CRYBG1: variants seen among roughly 807,000 people sequenced by gnomAD.
CRYBG1 encodes crystallin beta-gamma domain containing 1.
A neutral mutation model predicts 189.2 loss-of-function variants in CRYBG1; 139 were observed. The observed-to-expected ratio is 0.73, with a 90% CI of 0.64 to 0.85. The LOEUF (loss-of-function observed/expected upper bound fraction) is 0.85. Among genes scored for constraint, CRYBG1 ranks in the 40% least tolerant of loss-of-function variants. The probability of loss-of-function intolerance (pLI) is 0.00; values close to 1 mark genes in which losing one functional copy is unlikely to be tolerated. For missense variants in CRYBG1, 2,611 were observed against 2,675.8 expected (o/e 0.98, Z 0.53); for synonymous variants, 1,023 against 1,017.1 (o/e 1.01, Z -0.11).
At chr6:106,376,944 A>G (rs886719115) in intron 1 of CRYBG1, among the ~76,000 whole-genome samples, 7 of 152,194 alleles carry the variant, frequency 4.6e-5, no homozygotes, top group African/African-American at 1.7e-4. Context: ...GCATAGACTA[A>G]ATTAAATGAC....
chr6:106,405,872 G>A (rs1770810329), intron 1 of CRYBG1, among the ~76,000 whole-genome samples: 1 of 152,114 alleles, frequency 6.6e-6, no homozygotes, highest in Non-Finnish European at 1.5e-5. Flanking sequence ...CCATCCAAAG[G>A]TCACCAACAT....
At chr6:106,374,233 C>T (rs1012082649) in intron 1 of CRYBG1, among the ~76,000 whole-genome samples, 2 of 151,936 alleles carry the variant, frequency 1.3e-5, no homozygotes, top group Non-Finnish European at 2.9e-5. Flanking sequence ...CTACACTTAC[C>T]GCTATAATAA....
chr6:106,556,581 T>G (rs1376033389), intron 17 of CRYBG1, among the ~76,000 whole-genome samples: 2 of 152,224 alleles, frequency 1.3e-5, no homozygotes, highest in Non-Finnish European at 2.9e-5. Context: ...ACAGAAGTCT[T>G]TCAGTTTGAT....
chr6:106,489,787 C>CAAA (rs10593320), intron 2 of CRYBG1, among the ~76,000 whole-genome samples: 7 of 81,654 alleles, frequency 8.6e-5, no homozygotes, highest in South Asian at 7.7e-4. Context: ...ACTCTGTGTC[C>CAAA]AAAAAAAAAA....
intron 1 of CRYBG1, among the ~76,000 whole-genome samples, chr6:106,373,059 C>G (rs1003874328): frequency 6.6e-6 from 1 of 152,204 alleles, no homozygotes; most frequent in East Asian, 1.9e-4. Context: ...TAAAGCTTCC[C>G]GTAGAAATGT....
chr6:106,400,384 C>G (rs979656206), intron 1 of CRYBG1, among the ~76,000 whole-genome samples: 6 of 152,014 alleles, frequency 3.9e-5, no homozygotes, highest in African/African-American at 1.2e-4. Context: ...TTTTCTTTAT[C>G]TTTAATATTA....
Position 106,511,941 on chromosome 6 carries a change from C to A in CRYBG1, c.824C>A (p.Pro275Gln). The change falls in exon 3 of 22, where the codon CCG becomes CAG. Residue 275 changes from proline (P) to glutamine (Q), a missense_variant. By Grantham distance (76) the Pro-to-Gln change is moderately conservative. Around this residue, in one of 3 missense-constraint regions of CRYBG1, gnomAD observed 985 missense variants for 924.4 expected, o/e 1.07. Coordinates refer to ENST00000633556, the MANE Select transcript of CRYBG1 (RefSeq NM_001371242.2). ...AACGCAGAGACGCCCGCCCGCAGTC[C>A]GGGGGAGGACGCTTCACCAGGTGCT... Reference protein sequence around the residue: ...QENAETPARSPGEDASPGAGH... With the variant: ...QENAETPARSQGEDASPGAGH... 6.6e-7 allele frequency: 1 copy of A among 1,526,072 alleles called. No homozygotes were observed. The highest frequency in any genetic ancestry group is 8.8e-7 in the Non-Finnish European group (1 of 1,140,862). The allele number at this position is 1,526,072 out of a possible 1,614,324, so 94.5% of individuals were successfully genotyped here. A position where few individuals can be genotyped will look rare whatever the true frequency, so the allele number is the denominator to read the frequency against.
intron 2 of CRYBG1, among the ~76,000 whole-genome samples, chr6:106,452,292 G>A (rs377411437): frequency 1.8e-3 from 276 of 150,148 alleles, no homozygotes; most frequent in East Asian, 6.6e-3. Flanking sequence ...GTGTGGTGAC[G>A]GGCACCTGTA....
At chr6:106,557,538 G>C (rs1774578719) in intron 17 of CRYBG1, among the ~76,000 whole-genome samples, 1 of 152,046 alleles carries the variant, frequency 6.6e-6, no homozygotes. Context: ...AGCCTCCAAA[G>C]TAGCTGGGAT....
chr6:106,455,945 T>C (rs1483738423), intron 2 of CRYBG1, among the ~76,000 whole-genome samples: 3 of 152,162 alleles, frequency 2.0e-5, no homozygotes, highest in Non-Finnish European at 4.4e-5. Flanking sequence ...CTATAGACTA[T>C]TGCTAAATCA....
At chr6:106,439,675 T>C (rs948020518) in intron 1 of CRYBG1, among the ~76,000 whole-genome samples, 10 of 152,180 alleles carry the variant, frequency 6.6e-5, no homozygotes, top group Admixed American at 3.9e-4. Flanking sequence ...CTCAACTCTC[T>C]CTGTACTGGA....
chr6:106,387,064 C>T (rs1004012696), intron 1 of CRYBG1, among the ~76,000 whole-genome samples: 3 of 152,102 alleles, frequency 2.0e-5, no homozygotes, highest in African/African-American at 7.2e-5. Context: ...TAAAATATAA[C>T]AAAGTAGCAT....
intron 2 of CRYBG1, among the ~76,000 whole-genome samples, chr6:106,510,166 T>C (rs1382128099): frequency 1.3e-5 from 2 of 152,134 alleles, no homozygotes; most frequent in African/African-American, 2.4e-5. Flanking sequence ...TGTTTAAAAG[T>C]TGATTCTTAA....
intron 2 of CRYBG1, among the ~76,000 whole-genome samples, chr6:106,507,901 T>C (rs887729105): frequency 2.0e-5 from 3 of 152,038 alleles, no homozygotes; most frequent in Non-Finnish European, 4.4e-5. Flanking sequence ...AAGACTGCAT[T>C]CCCCTGTCAA....
In CRYBG1 at chr6:106,519,875, T is replaced by C. The variant is rs1051170511; in HGVS notation, c.2667T>C (p.Cys889=). 8.1e-5 allele frequency: 131 copies of C among 1,614,086 alleles called. No individual in the cohort carries two copies. Among genetic ancestry groups the C allele is most frequent in the Non-Finnish European group, 1.1e-4 (131 of 1,180,038 alleles). The part of the protein sequence containing the change: ...PAPGDVPKDT[C]VQSPISSFPC... ...CTGGGGATGTTCCCAAAGACACATG[T>C]GTTCAATCACCCATAAGCAGTTTCC... The change falls in exon 4 of 22, where the codon TGT becomes TGC. Residue 889 remains cysteine, a synonymous_variant. Transcript: ENST00000633556.
chr6:106,489,197 C>T (rs894972751), intron 2 of CRYBG1, among the ~76,000 whole-genome samples: 4 of 152,120 alleles, frequency 2.6e-5, no homozygotes, highest in Non-Finnish European at 5.9e-5. Context: ...AGTGAGCTGT[C>T]CTAGGCTTCT....
chr6:106,460,227 G>A (rs1215023401), intron 2 of CRYBG1, among the ~76,000 whole-genome samples: 4 of 151,824 alleles, frequency 2.6e-5, no homozygotes, highest in African/African-American at 7.3e-5. Flanking sequence ...TCCTGACCTC[G>A]TGATCCGCCC....
rs1393446551 is a variant in CRYBG1, at chr6:106,563,862, G to C, written c.6237G>C (p.Trp2079Cys). ...ACCAGAATGCTGACAGCCAGTTCTG[G>C]AGCTTGAAGTCCGATGGCAGGATTT... ...ALDQNADSQF[W>C]SLKSDGRIYS... Residue 2079 changes from tryptophan to cysteine, a missense_variant, in exon 21 of 22, where the codon TGG becomes TGC. By Grantham distance (215) the Trp-to-Cys change is radical. Around this residue, in one of 3 missense-constraint regions of CRYBG1, gnomAD observed 1,622 missense variants for 1,735.0 expected, o/e 0.93. Transcript: ENST00000633556. 1 of 1,613,540 alleles carries C rather than the reference G, an allele frequency of 6.2e-7. No homozygotes were observed. Among genetic ancestry groups the C allele is most frequent in the African/African-American group, 1.3e-5 (1 of 74,920 alleles).
intron 2 of CRYBG1, among the ~76,000 whole-genome samples, chr6:106,509,975 T>G (rs542212022): frequency 6.6e-6 from 1 of 152,264 alleles, no homozygotes; most frequent in Non-Finnish European, 1.5e-5. Flanking sequence ...ATTTCATGCG[T>G]TATCTTTCCT....
Sources: gnomAD v4.1 joint callset for allele counts (sites outside exome capture counted in the v4.1 genomes callset) on GRCh38, gnomAD v4.1.1 for gene constraint, gnomAD v4.1.1 regional missense constraint, MANE v1.5 for transcripts, NCBI Gene and HGNC (gene_info 2026-07-23, HGNC 2026-07-21) for gene names.